UBE3C: variants seen among roughly 807,000 people sequenced by gnomAD.
UBE3C encodes ubiquitin protein ligase E3C.
UBE3C carries 42 observed loss-of-function variants against 129.4 expected under a neutral mutation model. The ratio of observed to expected loss-of-function variants is 0.32; its 90% confidence interval spans 0.25 to 0.42. The LOEUF (loss-of-function observed/expected upper bound fraction) is 0.42. Among genes scored for constraint, UBE3C ranks in the 10% least tolerant of loss-of-function variants. UBE3C has a pLI of 1.00. For missense variants in UBE3C, 1,049 were observed against 1,319.1 expected, an observed-to-expected ratio of 0.80 and a Z score of 3.17; for synonymous variants, 510 against 492.4, an observed-to-expected ratio of 1.04 and a Z score of -0.47.
chr7:157,206,348 C>T (rs7784795), intron 11 of UBE3C, among the ~76,000 whole-genome samples: 25,625 of 151,222 alleles, frequency 0.17, 2,424 homozygotes, highest in East Asian at 0.36. Flanking sequence ...CTGCAACCTC[C>T]GCTGCTCGGG....
intron 14 of UBE3C, 136 bp from the exon 15 acceptor site, chr7:157,220,553 A>G (rs1795709149): frequency 3.7e-6 from 3 of 801,530 alleles, no homozygotes; most frequent in Non-Finnish European, 3.8e-6. Flanking sequence ...GCAAAAGGGG[A>G]CATGAAGGTA....
chr7:157,259,218 CGTT>C (rs1441943688), intron 22 of UBE3C, among the ~76,000 whole-genome samples: 3 of 152,254 alleles, frequency 2.0e-5, no homozygotes, highest in African/African-American at 4.8e-5. Context: ...CCCGCAGTCA[CGTT>C]GTGACCAGCT....
chr7:157,177,934 T>G (rs1054414263), intron 5 of UBE3C, among the ~76,000 whole-genome samples: 9 of 150,968 alleles, frequency 6.0e-5, no homozygotes, highest in Non-Finnish European at 1.0e-4. Context: ...ATTCTGTTTT[T>G]TTTTTTTTTT....
intron 10 of UBE3C, chr7:157,197,760 A>T (rs1809163307): frequency 2.5e-6 from 4 of 1,612,476 alleles, no homozygotes; most frequent in East Asian, 4.5e-5. Flanking sequence ...GACATCCAGG[A>T]TCCTGTGTGT....
chr7:157,265,205 C>A (rs754131789), intron 22 of UBE3C, among the ~76,000 whole-genome samples: 1 of 152,214 alleles, frequency 6.6e-6, no homozygotes, highest in African/African-American at 2.4e-5. Flanking sequence ...TTCGTGTACA[C>A]GTGTGCAGGG....
intron 11 of UBE3C, among the ~76,000 whole-genome samples, chr7:157,205,382 A>G (rs956214942): frequency 4.6e-5 from 7 of 151,892 alleles, no homozygotes; most frequent in Non-Finnish European, 1.0e-4. Context: ...ATCCTGCAAT[A>G]TGTGTGCATA....
At chr7:157,158,456 C>T (rs936605955) in intron 1 of UBE3C, among the ~76,000 whole-genome samples, 2 of 152,168 alleles carry the variant, frequency 1.3e-5, no homozygotes, top group Non-Finnish European at 2.9e-5. Flanking sequence ...AACACTGCAT[C>T]TGTGCGTTGT....
chr7:157,185,280 G>C (rs1164558150), intron 9 of UBE3C, among the ~76,000 whole-genome samples: 7 of 152,208 alleles, frequency 4.6e-5, no homozygotes, highest in African/African-American at 1.7e-4. Flanking sequence ...TCACCTGCAG[G>C]CTCTCACTCG....
rs146829617 is a variant in UBE3C, at chr7:157,179,138, A to G, written c.616+291A>G. ...CTTTCATCAGTTGTCCCGTCATCCA[A>G]GATTGGTGTCTGCAGTGCAGCTGCC... is the stretch of plus-strand genomic sequence containing the variant. On this transcript the variant is annotated intron_variant, in intron 6 of 22. Transcript: ENST00000348165. 3.0e-3 allele frequency among the ~76,000 whole-genome samples: 454 copies of G among 152,074 alleles called. 4 individuals carry two copies. Among genetic ancestry groups the G allele is most frequent in the African/African-American group, 9.6e-3 (397 of 41,488 alleles).
intron 10 of UBE3C, among the ~76,000 whole-genome samples, chr7:157,190,276 C>G (rs1344785711): frequency 6.6e-6 from 1 of 152,084 alleles, no homozygotes; most frequent in Non-Finnish European, 1.5e-5. Context: ...CTGTCCCCTC[C>G]CAGGGTCTGA....
chr7:157,231,235 G>A lies in UBE3C; in HGVS notation c.2389G>A (p.Glu797Lys), dbSNP rs1796015138. The change falls in exon 18 of 23, where the codon GAA (glutamate) becomes AAA (lysine). Residue 797 changes from glutamate (E) to lysine (K), a missense_variant. Transcript: ENST00000348165. ...PNQGFFKTTN[E>K]GLLYPNPAAQ... is the part of the protein sequence containing the mutation. ...CCAGGGGTTCTTTAAGACTACTAAT[G>A]AAGGGCTTCTGTACCCCAACCCGGC... 1.9e-6 allele frequency: 3 copies of A among 1,614,176 alleles called. No individual in the cohort carries two copies. Among genetic ancestry groups the A allele is most frequent in the Non-Finnish European group, 2.5e-6 (3 of 1,180,036 alleles).
chr7:157,253,808 G>A (rs1796676654), intron 19 of UBE3C, 146 bp from the exon 20 acceptor site: 1 of 755,604 alleles, frequency 1.3e-6, no homozygotes, highest in Non-Finnish European at 2.1e-6. Flanking sequence ...GCACAATGCT[G>A]TGCATACTCG....
intron 1 of UBE3C, among the ~76,000 whole-genome samples, chr7:157,146,283 C>T (rs1009344899): frequency 5.9e-5 from 9 of 152,096 alleles, no homozygotes; most frequent in Admixed American, 5.9e-4. Context: ...GCTCTGTCTC[C>T]CAGGCTGGAG....
chr7:157,170,300 C>T lies in UBE3C; in HGVS notation c.196-4C>T. On this transcript the variant is annotated splice_polypyrimidine_tract_variant and splice_region_variant and intron_variant, in intron 3 of 22. Coordinates refer to ENST00000348165, the MANE Select transcript of UBE3C (RefSeq NM_014671.3). ...TGGGTCATTTTGTTTTGTTTTTCTT[C>T]CAGTATTCCATCCAAAGAAGTGCAT... The T allele has an allele frequency of 1.4e-6, 2 of 1,481,070 alleles. No homozygotes were observed. The highest frequency in any genetic ancestry group is 2.7e-5 in the Admixed American group (1 of 37,022). 91.7% of individuals were successfully genotyped at this position (1,481,070 alleles called of 1,614,324 possible).
intron 18 of UBE3C, among the ~76,000 whole-genome samples, chr7:157,246,300 C>CAACTAAGCTG (rs1796475693): frequency 6.6e-6 from 1 of 152,210 alleles, no homozygotes; most frequent in African/African-American, 2.4e-5. Context: ...AAAGGACTCA[C>CAACTAAGCTG]TCCCCACAGG....
At chr7:157,216,514 C>T (rs1188159111) in intron 13 of UBE3C, among the ~76,000 whole-genome samples, 2 of 152,114 alleles carry the variant, frequency 1.3e-5, no homozygotes, top group Non-Finnish European at 1.5e-5. Flanking sequence ...CCCACCCTCC[C>T]CCTTCAAGTA....
intron 1 of UBE3C, chr7:157,140,079 A>G: frequency 1.0e-6 from 1 of 976,482 alleles, no homozygotes; most frequent in Non-Finnish European, 1.2e-6. Context: ...TAGAATTTCT[A>G]GCTGTCTGTC....
chr7:157,235,359 GT>G (rs1376152263), intron 18 of UBE3C, among the ~76,000 whole-genome samples: 2 of 152,138 alleles, frequency 1.3e-5, no homozygotes, highest in Non-Finnish European at 2.9e-5. Flanking sequence ...ACACAGTACA[GT>G]CACAGAAGAT....
intron 10 of UBE3C, 143 bp downstream of exon 10, chr7:157,187,164 A>G: frequency 9.2e-7 from 1 of 1,082,568 alleles, no homozygotes; most frequent in Non-Finnish European, 1.3e-6. Flanking sequence ...AGCGTTTCAT[A>G]AAAAATAATT....
Sources: gnomAD v4.1 joint callset for allele counts (sites outside exome capture counted in the v4.1 genomes callset) on GRCh38, gnomAD v4.1.1 for gene constraint, MANE v1.5 for transcripts, NCBI Gene and HGNC (gene_info 2026-07-23, HGNC 2026-07-21) for gene names.